Variants in RPSA2 observed in about 807,000 individuals in gnomAD.
RPSA2 encodes ribosomal protein SA 2, also known as small ribosomal subunit protein uS2B.
the RPSA2 span, among the ~76,000 whole-genome samples, chr19:23,786,740 C>T: frequency 6.6e-6 from 1 of 152,074 alleles, no homozygotes; most frequent in East Asian, 1.9e-4. Flanking sequence ...ACTGGCCTAG[C>T]ATCTAGGTGA....
At chr19:23,844,431 G>A in the RPSA2 span, among the ~76,000 whole-genome samples, 3 of 151,976 alleles carry the variant, frequency 2.0e-5, no homozygotes, top group Non-Finnish European at 4.4e-5. Flanking sequence ...TCAAATTGTA[G>A]TTCTATTTTT....
chr19:23,832,619 A>G, the RPSA2 span: 1 of 1,404,484 alleles, frequency 7.1e-7, no homozygotes, highest in Non-Finnish European at 9.5e-7. Flanking sequence ...GGTAATTCAT[A>G]CTGGGAGAGA....
chr19:23,865,146 C>G, the RPSA2 span, among the ~76,000 whole-genome samples: 1 of 152,088 alleles, frequency 6.6e-6, no homozygotes, highest in African/African-American at 2.4e-5. Flanking sequence ...GAATGGGGAC[C>G]CCAGGACAAA....
At chr19:23,846,821 G>T in the RPSA2 span, among the ~76,000 whole-genome samples, 53 of 152,280 alleles carry the variant, frequency 3.5e-4, no homozygotes, top group African/African-American at 1.1e-3. Flanking sequence ...TAGATACTAT[G>T]ATTATTATGT....
At chr19:23,825,594 CT>C in the RPSA2 span, among the ~76,000 whole-genome samples, 3 of 150,918 alleles carry the variant, frequency 2.0e-5, no homozygotes, top group East Asian at 2.0e-4. Context: ...ATAAAATACT[CT>C]TTTTTTTTGA....
the RPSA2 span, among the ~76,000 whole-genome samples, chr19:23,814,230 A>AAG: frequency 5.7e-4 from 85 of 149,974 alleles, no homozygotes; most frequent in East Asian, 0.016. Flanking sequence ...AAAAAAAAAA[A>AAG]GAAGTTATCT....
At chr19:23,822,102 TCA>T in the RPSA2 span, among the ~76,000 whole-genome samples, 1 of 152,174 alleles carries the variant, frequency 6.6e-6, no homozygotes, top group Admixed American at 6.5e-5. Context: ...CTAAAATGCC[TCA>T]CAGAGTCTCT....
the RPSA2 span, among the ~76,000 whole-genome samples, chr19:23,816,782 T>C: frequency 6.6e-6 from 1 of 152,286 alleles, no homozygotes; most frequent in East Asian, 1.9e-4. Context: ...TCTCACATGG[T>C]GGCAGACAGA....
At chr19:23,778,465 C>T in the RPSA2 span, among the ~76,000 whole-genome samples, 3 of 152,140 alleles carry the variant, frequency 2.0e-5, no homozygotes, top group South Asian at 2.1e-4. Flanking sequence ...CTGCCCACTT[C>T]GGCCCCCCAG....
chr19:23,764,403 GAC>G, the RPSA2 span, among the ~76,000 whole-genome samples: 2 of 152,202 alleles, frequency 1.3e-5, no homozygotes, highest in African/African-American at 4.8e-5. Context: ...GTGCATTTCA[GAC>G]ACAGTGTTTT....
the RPSA2 span, chr19:23,819,368 G>T: frequency 1.3e-5 from 2 of 152,358 alleles, no homozygotes; most frequent in East Asian, 3.9e-4. Context: ...GGATGGCCTG[G>T]GTCCTTCTGG....
chr19:23,807,389 G>C, the RPSA2 span, among the ~76,000 whole-genome samples: 1 of 152,144 alleles, frequency 6.6e-6, no homozygotes, highest in African/African-American at 2.4e-5. Context: ...AAAATAATCT[G>C]CATTAACATG....
the RPSA2 span, chr19:23,782,312 CAT>C: frequency 6.6e-6 from 1 of 152,310 alleles, no homozygotes; most frequent in South Asian, 2.1e-4. Context: ...GAGATTATGA[CAT>C]ATGACTGTCC....
the RPSA2 span, among the ~76,000 whole-genome samples, chr19:23,761,910 T>TTCTC: frequency 1.1e-5 from 1 of 93,488 alleles, no homozygotes; most frequent in East Asian, 4.4e-4. Context: ...AATTCTTTCT[T>TTCTC]TCTTTCTTTC....
the RPSA2 span, among the ~76,000 whole-genome samples, chr19:23,776,428 T>C: frequency 3.8e-3 from 574 of 152,278 alleles, 4 homozygotes; most frequent in African/African-American, 0.013. Context: ...TTGTGAAATA[T>C]TGCTGCCCTC....
the RPSA2 span, among the ~76,000 whole-genome samples, chr19:23,800,209 A>AT: frequency 6.6e-4 from 4 of 6,088 alleles, no homozygotes; most frequent in African/African-American, 8.4e-4. Context: ...ATTTTATTTT[A>AT]TTTTTTTTTA....
the RPSA2 span, among the ~76,000 whole-genome samples, chr19:23,870,443 C>T: frequency 7.9e-5 from 12 of 152,034 alleles, no homozygotes; most frequent in African/African-American, 2.7e-4. Context: ...AGAATATAAC[C>T]AAAGAGTATC....
the RPSA2 span, chr19:23,832,122 T>C: frequency 4.6e-6 from 2 of 431,358 alleles, no homozygotes; most frequent in Non-Finnish European, 9.3e-6. Context: ...TAATTTGTGC[T>C]GAAGAAAAAC....
the RPSA2 span, among the ~76,000 whole-genome samples, chr19:23,840,776 G>A: frequency 6.1e-5 from 9 of 146,684 alleles, no homozygotes; most frequent in South Asian, 4.5e-4. Context: ...TGACCAACAC[G>A]GTGAAACCCC....
Sources: gnomAD v4.1 joint callset for allele counts (sites outside exome capture counted in the v4.1 genomes callset) on GRCh38, gnomAD v4.1.1 for gene constraint, MANE v1.5 for transcripts, NCBI Gene and HGNC (gene_info 2026-07-23, HGNC 2026-07-21) for gene names.